The following ITGA11 variants were observed in gnomAD, a reference collection of about 807,000 sequenced individuals.
ITGA11 encodes integrin subunit alpha 11.
Under a neutral mutation model 141.9 loss-of-function variants are expected in ITGA11, and 97 were observed. The ratio of observed to expected loss-of-function variants is 0.68; its 90% CI spans 0.58 to 0.81. The LOEUF (loss-of-function observed/expected upper bound fraction) is 0.81. Ranked by LOEUF, ITGA11 falls within the 30% of genes least tolerant of loss-of-function variation. The pLI, the probability that ITGA11 is intolerant of heterozygous loss-of-function variation, is 0.00. For missense variants in ITGA11, 1,387 were observed against 1,559.2 expected, an observed-to-expected ratio of 0.89 and a Z score of 1.86; for synonymous variants, 658 against 624.6, an observed-to-expected ratio of 1.05 and a Z score of -0.80.
Position 68,321,882 on chromosome 15 carries a change from G to A in ITGA11, c.2323-379C>T, listed in dbSNP as rs182404934. Among the ~76,000 whole-genome samples the A allele has an allele frequency of 6.6e-6, 1 of 152,334 alleles. No homozygotes were observed. Among genetic ancestry groups the A allele is most frequent in the African/African-American group, 2.4e-5 (1 of 41,576 alleles). On this transcript the variant is annotated intron_variant, in intron 18 of 29. Coordinates refer to ENST00000315757, the MANE Select transcript of ITGA11 (RefSeq NM_001004439.2). The surrounding 1 kb of genome is among the most constrained non-coding windows in gnomAD (Gnocchi z 4.9). ...CCCTCAGCTCAAGGGGAAGATTGGT[G>A]TATGAACAAATCACTAGTGTAAAAT...
chr15:68,359,983 AGACAGAGGAAGGTGGGG>A (rs1463165858), intron 5 of ITGA11, among the ~76,000 whole-genome samples: 4 of 152,250 alleles, frequency 2.6e-5, no homozygotes, highest in African/African-American at 9.6e-5. Flanking sequence ...AGTGCTGAGC[AGACAGAGGAAGGTGGGG>A]GTGGCTTTGA....
chr15:68,320,981 C>T (rs986323679), intron 19 of ITGA11, among the ~76,000 whole-genome samples: 1 of 152,088 alleles, frequency 6.6e-6, no homozygotes, highest in African/African-American at 2.4e-5. Flanking sequence ...TGTAGGTCCC[C>T]TGCTCACCCT....
chr15:68,329,663 C>T (rs533712596), intron 15 of ITGA11, among the ~76,000 whole-genome samples: 6 of 152,306 alleles, frequency 3.9e-5, no homozygotes, highest in East Asian at 1.9e-4. Context: ...ACCTCCTCCC[C>T]GGGCCTTGGT....
chr15:68,387,588 C>T (rs1271886190), intron 2 of ITGA11, among the ~76,000 whole-genome samples: 1 of 152,182 alleles, frequency 6.6e-6, no homozygotes, highest in East Asian at 1.9e-4. Flanking sequence ...ACATGACACA[C>T]ATGACAGTAA....
intron 2 of ITGA11, among the ~76,000 whole-genome samples, chr15:68,393,823 A>G (rs572993456): frequency 4.6e-5 from 7 of 152,334 alleles, no homozygotes; most frequent in Non-Finnish European, 8.8e-5. Flanking sequence ...ATAAGTAGAC[A>G]TAAATATTAA....
At chr15:68,350,941 C>G (rs1412459815) in intron 8 of ITGA11, among the ~76,000 whole-genome samples, 159 bp from the exon 9 acceptor site, 1 of 152,142 alleles carries the variant, frequency 6.6e-6, no homozygotes, top group Non-Finnish European at 1.5e-5. Context: ...AATGGACTCT[C>G]TTTTAGGGGC....
chr15:68,405,997 G>C (rs1896643802), intron 1 of ITGA11, among the ~76,000 whole-genome samples: 1 of 152,140 alleles, frequency 6.6e-6, no homozygotes, highest in Admixed American at 6.5e-5. Context: ...GTGCCCACTA[G>C]AGACTAGGAC....
intron 10 of ITGA11, among the ~76,000 whole-genome samples, chr15:68,339,965 T>G (rs997726618): frequency 2.6e-5 from 4 of 152,114 alleles, no homozygotes; most frequent in African/African-American, 9.7e-5. Flanking sequence ...TCAAAACCCT[T>G]TAGGGACCGT....
intron 21 of ITGA11, among the ~76,000 whole-genome samples, 198 bp downstream of exon 21, chr15:68,317,067 G>C (rs1457792815): frequency 6.6e-6 from 1 of 152,214 alleles, no homozygotes; most frequent in African/African-American, 2.4e-5. Flanking sequence ...AGGATGGGCT[G>C]CTAGCATGGG....
At chr15:68,336,715 T>C (rs181809295) in intron 11 of ITGA11, among the ~76,000 whole-genome samples, 246 of 152,360 alleles carry the variant, frequency 1.6e-3, no homozygotes, top group African/African-American at 5.6e-3. Context: ...TGTTGGACTT[T>C]GTTGACAGTT....
Position 68,304,693 on chromosome 15 carries a change from C to T in ITGA11, c.3382-808G>A, listed in dbSNP as rs1567119830. Among the ~76,000 whole-genome samples, 1 of 152,158 alleles carries T rather than the reference C, an allele frequency of 6.6e-6. No homozygotes were observed. Among genetic ancestry groups the T allele is most frequent in the Non-Finnish European group, 1.5e-5 (1 of 68,024 alleles). The stretch of plus-strand genomic sequence containing the variant: ...ACTGTAACAGGCCCCTAACCAAGCT[C>T]TTAACACCCCAGCCCCCGAAGCCTG... On this transcript the variant is annotated intron_variant, in intron 28 of 29. Coordinates refer to ENST00000315757, the MANE Select transcript of ITGA11 (RefSeq NM_001004439.2). The surrounding 1 kb of genome is among the most constrained non-coding windows in gnomAD (Gnocchi z 6.1).
intron 16 of ITGA11, among the ~76,000 whole-genome samples, chr15:68,327,346 TCTC>T (rs1456818192): frequency 2.0e-5 from 3 of 152,204 alleles, no homozygotes; most frequent in African/African-American, 4.8e-5. Context: ...CTCAGTCCCT[TCTC>T]CTGTTCTCCA....
chr15:68,357,375 T>G, intron 6 of ITGA11, 76 bp from the exon 7 acceptor site: 1 of 1,522,578 alleles, frequency 6.6e-7, no homozygotes, highest in Non-Finnish European at 8.9e-7. Flanking sequence ...AGAGTGAGGA[T>G]CCCCGGGAGT....
intron 2 of ITGA11, among the ~76,000 whole-genome samples, chr15:68,375,503 G>C (rs9783729): frequency 0.79 from 120,595 of 152,108 alleles, 48,234 homozygotes; most frequent in East Asian, 1. Context: ...GGCTGCCCTG[G>C]CTGGGGGTTG....
chr15:68,363,836 C>T (rs1895331145), intron 4 of ITGA11, among the ~76,000 whole-genome samples: 1 of 152,220 alleles, frequency 6.6e-6, no homozygotes, highest in African/African-American at 2.4e-5. Flanking sequence ...CCCACACTCA[C>T]TACCATGTGC....
intron 1 of ITGA11, among the ~76,000 whole-genome samples, chr15:68,405,161 T>TTTTG (rs1896618079): frequency 6.7e-6 from 1 of 148,322 alleles, no homozygotes; most frequent in African/African-American, 2.5e-5. Flanking sequence ...CTGTCTCCCT[T>TTTTG]TTTTTTTTTT....
chr15:68,401,774 G>T (rs1290789506), intron 2 of ITGA11, among the ~76,000 whole-genome samples: 4 of 152,164 alleles, frequency 2.6e-5, no homozygotes, highest in African/African-American at 9.7e-5. Flanking sequence ...GATTACATAG[G>T]TGTATATCAT....
At chr15:68,417,208 C>T (rs534422136) in intron 1 of ITGA11, among the ~76,000 whole-genome samples, 89 of 152,298 alleles carry the variant, frequency 5.8e-4, no homozygotes, top group Admixed American at 1.3e-3. Flanking sequence ...CTCATAACAT[C>T]TCACATTTCA....
chr15:68,417,729 A>T (rs1424533634), intron 1 of ITGA11, among the ~76,000 whole-genome samples: 2 of 152,054 alleles, frequency 1.3e-5, no homozygotes, highest in Admixed American at 1.3e-4. Flanking sequence ...GCTGTTTCCC[A>T]CTTTGAGATC....
Sources: gnomAD v4.1 joint callset for allele counts (sites outside exome capture counted in the v4.1 genomes callset) on GRCh38, gnomAD v4.1.1 for gene constraint, Gnocchi (gnomAD v3.1) non-coding constraint, MANE v1.5 for transcripts, NCBI Gene and HGNC (gene_info 2026-07-23, HGNC 2026-07-21) for gene names.